Variants in SNX29 observed in about 807,000 individuals in gnomAD.
SNX29 encodes the protein sorting nexin 29, also known as sorting nexin-29.
SNX29 carries 78 observed loss-of-function variants against 102.1 expected under a neutral mutation model. The ratio of observed to expected loss-of-function variants is 0.76; its 90% CI spans 0.64 to 0.92. The LOEUF (loss-of-function observed/expected upper bound fraction) is 0.92, where lower values mean the gene tolerates loss of function less well. Ranked by LOEUF, SNX29 falls within the 40% of genes least tolerant of loss-of-function variation. SNX29 has a pLI of 0.00. For synonymous variants in SNX29, 580 were observed against 414.5 expected, an observed-to-expected ratio of 1.40 and a Z score of -4.85; for missense variants, 1,280 against 1,061.7, an observed-to-expected ratio of 1.21 and a Z score of -2.86.
intron 11 of SNX29, among the ~76,000 whole-genome samples, chr16:12,100,514 G>A (rs993785979): frequency 6.6e-6 from 1 of 152,152 alleles, no homozygotes; most frequent in Non-Finnish European, 1.5e-5. Context: ...CAAGAGGAAG[G>A]ACGGTGCATG....
chr16:12,042,835 T>C, intron 4 of SNX29, 62 bp from the exon 5 acceptor site: 3 of 1,521,440 alleles, frequency 2.0e-6, no homozygotes, highest in Non-Finnish European at 2.7e-6. Flanking sequence ...GCTTTGTGTG[T>C]TCCTCTCCCA....
chr16:12,100,406 T>C (rs2052962632), intron 11 of SNX29, among the ~76,000 whole-genome samples: 2 of 151,964 alleles, frequency 1.3e-5, no homozygotes, highest in African/African-American at 4.8e-5. Context: ...GCGGGGTAGG[T>C]AAAACTGCCC....
intron 4 of SNX29, among the ~76,000 whole-genome samples, chr16:12,036,536 G>C (rs1342833889): frequency 6.6e-6 from 1 of 151,852 alleles, no homozygotes; most frequent in Admixed American, 6.6e-5. Context: ...GGGTTTCACC[G>C]TGTTAGCCAG....
chr16:12,297,931 A>C (rs1322278799), intron 15 of SNX29, among the ~76,000 whole-genome samples: 1 of 152,204 alleles, frequency 6.6e-6, no homozygotes, highest in African/African-American at 2.4e-5. Context: ...GCACTTTAGG[A>C]GGCCCAGGTG....
intron 12 of SNX29, among the ~76,000 whole-genome samples, 171 bp from the exon 13 acceptor site, chr16:12,129,459 C>T (rs1055141170): frequency 6.6e-6 from 1 of 152,216 alleles, no homozygotes; most frequent in African/African-American, 2.4e-5. Flanking sequence ...CTAAGGCTAT[C>T]AATTAGAGTT....
chr16:12,436,888 A>AGTGGTCTGCCT (rs1385247262), intron 18 of SNX29, among the ~76,000 whole-genome samples: 1 of 152,218 alleles, frequency 6.6e-6, no homozygotes, highest in Non-Finnish European at 1.5e-5. Context: ...ACTGGCCTCA[A>AGTGGTCTGCCT]GTGGTCTGCC....
chr16:12,477,804 A>G lies in SNX29; in HGVS notation c.2123A>G (p.Lys708Arg), dbSNP rs1288998486. The G allele has an allele frequency of 3.1e-6, 5 of 1,613,592 alleles. No individual in the cohort carries two copies. In the South Asian group the frequency reaches 3.3e-5, roughly 11 times the overall value. Reference protein sequence around the residue: ...FRSLHHKLQNKYPQVRAYNFP... With the variant: ...FRSLHHKLQNRYPQVRAYNFP... ...AGTTTGCACCACAAGTTACAAAACA[A>G]GTACCCTCAAGTGAGGGCCTACAAC... The change falls in exon 19 of 21, where the codon AAG becomes AGG. Residue 708 changes from lysine (K) to arginine (R), a missense_variant. Physicochemically the swap from Lys to Arg is conservative, Grantham distance 26. Coordinates refer to ENST00000566228, the MANE Select transcript of SNX29 (RefSeq NM_032167.5).
At chr16:12,371,902 T>G (rs911133730) in intron 16 of SNX29, among the ~76,000 whole-genome samples, 1 of 152,260 alleles carries the variant, frequency 6.6e-6, no homozygotes, top group African/African-American at 2.4e-5. Flanking sequence ...TTGCTCCTCC[T>G]GTTCCTTCTA....
At chr16:12,137,630 CACCCTGAGGGTCAG>C (rs375536377) in intron 13 of SNX29, among the ~76,000 whole-genome samples, 17 of 152,344 alleles carry the variant, frequency 1.1e-4, no homozygotes, top group African/African-American at 4.1e-4. Context: ...TCTCACACTC[CACCCTGAGGGTCAG>C]CCTCTGCCTT....
rs369471951 is a variant in SNX29, at chr16:12,126,776, G to C, written c.1466+80G>C. On this transcript the variant is annotated intron_variant, in intron 12 of 20. Coordinates refer to ENST00000566228, the MANE Select transcript of SNX29 (RefSeq NM_032167.5). ...GGGGAAGACAGAATATAACAGATGA[G>C]GGACATTTTGCTTTCTTGGCAAAAA... The C allele has an allele frequency of 2.6e-6, 4 of 1,522,026 alleles. No homozygotes were observed. In the African/African-American group the frequency reaches 5.5e-5, roughly 21 times the overall value. 94.3% of individuals were successfully genotyped at this position (1,522,026 alleles called of 1,614,324 possible). A position where few individuals can be genotyped will look rare whatever the true frequency, so the allele number is the denominator to read the frequency against.
At chr16:12,453,452 C>T (rs907559762) in intron 18 of SNX29, among the ~76,000 whole-genome samples, 6 of 152,176 alleles carry the variant, frequency 3.9e-5, no homozygotes, top group African/African-American at 1.4e-4. Context: ...AATGCAGATG[C>T]CTAATGCCTA....
rs2050776637 is a variant in SNX29 at position 12,061,574 on chromosome 16, C to T, written c.1171C>T (p.Pro391Ser). ...TCLSQMHSWA[P>S]LKVLHNDSDI... Reference sequence around the variant, plus strand: ...CCTCTCCCAGATGCACAGCTGGGCTCCGCTGAAGGTGCTGCACAATGACTC... The same window carrying T: ...CCTCTCCCAGATGCACAGCTGGGCTTCGCTGAAGGTGCTGCACAATGACTC... Residue 391 changes from proline (P) to serine (S), a missense_variant, in exon 9 of 21, where the codon CCG becomes TCG. Pro to Ser is a moderately conservative substitution (Grantham distance 74, BLOSUM62 -1). Coordinates refer to ENST00000566228, the MANE Select transcript of SNX29 (RefSeq NM_032167.5). 6.2e-7 allele frequency: 1 copy of T among 1,611,234 alleles called. No individual in the cohort carries two copies. The highest frequency in any genetic ancestry group is 1.1e-5 in the South Asian group (1 of 90,038).
At chr16:12,158,644 C>T (rs183344835) in intron 13 of SNX29, among the ~76,000 whole-genome samples, 20 of 152,384 alleles carry the variant, frequency 1.3e-4, no homozygotes, top group African/African-American at 4.8e-4. Context: ...TATGATGCCT[C>T]ACCCAGGCTG....
chr16:12,526,983 A>C (rs1033587788), intron 20 of SNX29: 86 of 402,530 alleles, frequency 2.1e-4, no homozygotes, highest in Non-Finnish European at 2.7e-4. Flanking sequence ...GGTTCGATTT[A>C]TGGACTTTTC....
intron 20 of SNX29, among the ~76,000 whole-genome samples, chr16:12,566,585 G>A (rs1189795942): frequency 6.6e-6 from 1 of 152,194 alleles, no homozygotes; most frequent in African/African-American, 2.4e-5. Context: ...TTACATCCAA[G>A]CCTTCCTGTA....
intron 3 of SNX29, among the ~76,000 whole-genome samples, chr16:12,009,265 A>G (rs1027300314): frequency 8.5e-5 from 13 of 152,174 alleles, no homozygotes; most frequent in African/African-American, 2.7e-4. Context: ...TGTTTCGAGT[A>G]GAGACAGTGC....
rs2079186099 is a variant in SNX29, at chr16:12,571,469, C to T, written c.*2840C>T. 1 of 256,692 alleles carries T rather than the reference C, an allele frequency of 3.9e-6. No homozygotes were observed. The highest frequency in any genetic ancestry group is 5.6e-5 in the Admixed American group (1 of 17,738). 15.9% of individuals were successfully genotyped at this position (256,692 alleles called of 1,614,324 possible). A position where few individuals can be genotyped will look rare whatever the true frequency, so the allele number is the denominator to read the frequency against. On this transcript the variant is annotated 3_prime_UTR_variant, in exon 21 of 21. Transcript: ENST00000566228. ...AACAACATCTGAGAACAGAAGCCCC[C>T]TCCCCTACTCAGAGAGGAACGAGGG...
At chr16:12,089,456 C>A (rs2052395004) in intron 11 of SNX29, among the ~76,000 whole-genome samples, 1 of 152,132 alleles carries the variant, frequency 6.6e-6, no homozygotes, top group African/African-American at 2.4e-5. Flanking sequence ...GAACAAGAAG[C>A]AAAGGTCCTG....
chr16:12,504,064 C>T (rs561946351), intron 19 of SNX29, among the ~76,000 whole-genome samples: 1 of 152,222 alleles, frequency 6.6e-6, no homozygotes, highest in South Asian at 2.1e-4. Flanking sequence ...CCTGCCAAAC[C>T]CCAGACCTCA....
Sources: allele counts gnomAD v4.1 joint callset (sites outside exome capture counted in the v4.1 genomes callset), GRCh38; gene constraint gnomAD v4.1.1; transcripts MANE v1.5; gene names NCBI Gene and HGNC (gene_info 2026-07-23, HGNC 2026-07-21).